SERPINB13: variants seen among roughly 807,000 people sequenced by gnomAD.
SERPINB13 encodes serpin family B member 13.
A neutral mutation model predicts 31.2 loss-of-function variants in SERPINB13; 26 were observed. That is an observed-to-expected ratio of 0.83 (90% CI 0.61 to 1.15). The LOEUF (loss-of-function observed/expected upper bound fraction) is 1.15. Among genes scored for constraint, SERPINB13 ranks in the 50% most tolerant of loss-of-function variants. SERPINB13 has a pLI of 0.00. For missense variants in SERPINB13, 510 were observed against 469.4 expected (o/e 1.09, Z -0.80); for synonymous variants, 191 against 172.4 (o/e 1.11, Z -0.85).
rs1373695582 is a variant in SERPINB13, at chr18:63,594,497, G to A, written c.615G>A (p.Lys205=). 6.2e-7 allele frequency: 1 copy of A among 1,613,420 alleles called. No homozygotes were observed. The highest frequency in any genetic ancestry group is 1.1e-5 in the South Asian group (1 of 90,934). Residue 205 remains lysine, a splice_region_variant and synonymous_variant, in exon 6 of 8, where the codon AAG becomes AAA. Coordinates refer to ENST00000344731, the MANE Select transcript of SERPINB13 (RefSeq NM_012397.4). ...AGGAAGAGAAATTTTGGATGAATAA[G>A]GTATGGCCCTTAGTTTATTTTCGTG... ...NTKEEKFWMN[K]STSKSVQMMT... is the part of the protein sequence containing the mutation.
In SERPINB13 at chr18:63,592,928, A is replaced by G. The variant is rs1170715490; in HGVS notation, c.429A>G (p.Glu143=). The G allele has an allele frequency of 6.2e-7, 1 of 1,613,504 alleles. No individual in the cohort carries two copies. The highest frequency in any genetic ancestry group is 1.1e-5 in the South Asian group (1 of 90,916). The change falls in exon 5 of 8, where the codon GAA becomes GAG. Residue 143 remains glutamate, a synonymous_variant. Coordinates refer to ENST00000344731, the MANE Select transcript of SERPINB13 (RefSeq NM_012397.4). ...EPVDFVNAAD[E]SRKKINSWVE... ...TTGATTTTGTAAATGCAGCCGATGAAAGTCGAAAGAAGATTAATTCCTGGG... is the reference window on the plus strand; with the variant it reads ...TTGATTTTGTAAATGCAGCCGATGAGAGTCGAAAGAAGATTAATTCCTGGG...
At chr18:63,591,179 G>A (rs1911828738) in intron 3 of SERPINB13, among the ~76,000 whole-genome samples, 1 of 151,982 alleles carries the variant, frequency 6.6e-6, no homozygotes, top group South Asian at 2.1e-4. Context: ...TGTGGATTAG[G>A]TGTTCATTAT....
At position 63,594,439 on chromosome 18, in the gene SERPINB13, A is replaced by G. The variant is rs1479027283; in HGVS notation, c.557A>G (p.Gln186Arg). 3.1e-6 allele frequency: 5 copies of G among 1,614,170 alleles called. No individual in the cohort carries two copies. The highest frequency in any genetic ancestry group is 4.2e-6 in the Non-Finnish European group (5 of 1,179,998). Residue 186 changes from glutamine to arginine, a missense_variant, in exon 6 of 8, where the codon CAA (glutamine) becomes CGA (arginine). By Grantham distance (43) the Gln-to-Arg change is conservative. Transcript: ENST00000344731. Reference sequence around the variant, plus strand: ...GTGAACATGGTTTATTTTAAAGGGCAATGGGACAGGGAGTTTAAGAAAGAA... The same window carrying G: ...GTGAACATGGTTTATTTTAAAGGGCGATGGGACAGGGAGTTTAAGAAAGAA... ...VLVNMVYFKG[Q>R]WDREFKKENT...
intron 6 of SERPINB13, among the ~76,000 whole-genome samples, chr18:63,594,816 T>G (rs1458248522): frequency 1.3e-5 from 2 of 152,030 alleles, no homozygotes; most frequent in East Asian, 3.9e-4. Context: ...TCCAGCCTGG[T>G]GACAGAGTGA....
intron 5 of SERPINB13, chr18:63,594,124 G>C: frequency 7.0e-7 from 1 of 1,434,168 alleles, no homozygotes; most frequent in East Asian, 3.2e-5. Context: ...TGACCCCAGA[G>C]TCTGGACTCT....
intron 7 of SERPINB13, among the ~76,000 whole-genome samples, chr18:63,596,240 TG>T (rs1912159775): frequency 1.3e-5 from 2 of 152,166 alleles, no homozygotes; most frequent in South Asian, 4.1e-4. Flanking sequence ...CATTTTAAGT[TG>T]GAAAATATTT....
At chr18:63,588,970 G>T (rs563066554) in intron 2 of SERPINB13, 138 bp downstream of exon 2, 5 of 970,386 alleles carry the variant, frequency 5.2e-6, no homozygotes, top group Non-Finnish European at 7.3e-6. Flanking sequence ...TCAAGACAAG[G>T]AGCAATTTCA....
At position 63,595,191 on chromosome 18, in the gene SERPINB13, G is replaced by A. The variant is rs375371316; in HGVS notation, c.771+7G>A. The A allele has an allele frequency of 1.2e-5, 19 of 1,604,528 alleles. No individual in the cohort carries two copies. Among genetic ancestry groups the A allele is most frequent in the South Asian group, 5.6e-5 (5 of 89,446 alleles). Reference sequence around the variant, plus strand: ...CATCGATGGCCTGGAGAAGGTAAACGCTTACACCTCCTTATTCTTTCTTTC... The same window carrying A: ...CATCGATGGCCTGGAGAAGGTAAACACTTACACCTCCTTATTCTTTCTTTC... On this transcript the variant is annotated splice_region_variant and intron_variant, in intron 7 of 7. Transcript: ENST00000344731.
At chr18:63,591,620 T>C (rs1331121011) in intron 3 of SERPINB13, among the ~76,000 whole-genome samples, 1 of 152,144 alleles carries the variant, frequency 6.6e-6, no homozygotes, top group African/African-American at 2.4e-5. Flanking sequence ...AGATGTGCTA[T>C]AGGTATAAAA....
In SERPINB13 at chr18:63,594,473, G is replaced by C; in HGVS notation, c.591G>C (p.Lys197Asn). The C allele has an allele frequency of 6.2e-7, 1 of 1,613,964 alleles. No homozygotes were observed. Among genetic ancestry groups the C allele is most frequent in the Non-Finnish European group, 8.5e-7 (1 of 1,179,944 alleles). ...GGGAGTTTAAGAAAGAAAATACTAA[G>C]GAAGAGAAATTTTGGATGAATAAGG... ...WDREFKKENT[K>N]EEKFWMNKST... The change falls in exon 6 of 8, where the codon AAG becomes AAC. Residue 197 changes from lysine to asparagine, a missense_variant. Transcript: ENST00000344731.
chr18:63,595,622 G>A (rs974540908), intron 7 of SERPINB13, among the ~76,000 whole-genome samples: 2 of 152,096 alleles, frequency 1.3e-5, no homozygotes, highest in Non-Finnish European at 1.5e-5. Context: ...TGTGAAGGCC[G>A]GGCGTGGTGG....
intron 7 of SERPINB13, among the ~76,000 whole-genome samples, chr18:63,595,755 C>G (rs1239186164): frequency 6.6e-6 from 1 of 151,958 alleles, no homozygotes; most frequent in African/African-American, 2.4e-5. Flanking sequence ...AAAAATTAGC[C>G]TGGCGTGGTT....
chr18:63,593,069 G>C, intron 5 of SERPINB13, 98 bp downstream of exon 5: 1 of 776,264 alleles, frequency 1.3e-6, no homozygotes, highest in Middle Eastern at 2.6e-4. Flanking sequence ...TGAAGCCCTG[G>C]ACTTGTCACT....
chr18:63,592,605 G>T, intron 4 of SERPINB13, 129 bp downstream of exon 4: 1 of 972,558 alleles, frequency 1.0e-6, no homozygotes, highest in Non-Finnish European at 1.5e-6. Context: ...TTTCCATCCT[G>T]ATCTACAGAT....
rs143961207 is a variant in SERPINB13, at chr18:63,594,365, G to A, written c.483G>A (p.Lys161=). 1.1e-4 allele frequency: 181 copies of A among 1,613,596 alleles called. 1 individual carries two copies. Among genetic ancestry groups the A allele is most frequent in the African/African-American group, 8.1e-4 (61 of 74,934 alleles). ...WVESKTNEKI[K]DLFPDGSISS... Reference sequence around the variant, plus strand: ...TTTCTTCATTTGCAGAAAAAATCAAGGACTTGTTCCCAGATGGCTCTATTA... The same window carrying A: ...TTTCTTCATTTGCAGAAAAAATCAAAGACTTGTTCCCAGATGGCTCTATTA... Residue 161 remains lysine (K), a synonymous_variant, in exon 6 of 8, where the codon AAG becomes AAA. Transcript: ENST00000344731.
At chr18:63,590,558 T>G (rs1911793366) in intron 3 of SERPINB13, among the ~76,000 whole-genome samples, 2 of 152,202 alleles carry the variant, frequency 1.3e-5, no homozygotes, top group African/African-American at 2.4e-5. Context: ...TTGGGTCATA[T>G]GGCCACTGCA....
In SERPINB13 at chr18:63,587,352, G is replaced by A. The variant is rs1256834990; in HGVS notation, c.-116G>A. 6.5e-6 allele frequency: 3 copies of A among 461,162 alleles called. No homozygotes were observed. The highest frequency in any genetic ancestry group is 4.7e-5 in the South Asian group (3 of 63,366). 28.6% of individuals were successfully genotyped at this position (461,162 alleles called of 1,614,324 possible). A position where few individuals can be genotyped will look rare whatever the true frequency, so the allele number is the denominator to read the frequency against. ...CGCAAGGTGGAAAACCACTGCTGAA[G>A]CAGATGTGGAGAACTATAAATTAAG... is the stretch of plus-strand genomic sequence containing the variant. On this transcript the variant is annotated 5_prime_UTR_variant, in exon 1 of 8. Transcript: ENST00000344731.
chr18:63,597,426 A>G lies in SERPINB13; in HGVS notation c.*63A>G, dbSNP rs1912253197. ...AACAACTACCAGTGTTACTCATATG[A>G]TTATGAAAATCGTCCATTCTTTTAA... On this transcript the variant is annotated 3_prime_UTR_variant, in exon 8 of 8. Coordinates refer to ENST00000344731, the MANE Select transcript of SERPINB13 (RefSeq NM_012397.4). 6.7e-7 allele frequency: 1 copy of G among 1,482,912 alleles called. No homozygotes were observed. Among genetic ancestry groups the G allele is most frequent in the Non-Finnish European group, 9.1e-7 (1 of 1,103,864 alleles). The allele number at this position is 1,482,912 out of a possible 1,614,324, so 91.9% of individuals were successfully genotyped here.
chr18:63,588,555 C>T (rs900403263), intron 1 of SERPINB13, 96 bp from the exon 2 acceptor site: 44 of 1,277,222 alleles, frequency 3.4e-5, no homozygotes, highest in Middle Eastern at 3.8e-4. Context: ...CCCTGTATTC[C>T]GGATCGATGC....
Sources: gnomAD v4.1 joint callset for allele counts (sites outside exome capture counted in the v4.1 genomes callset) on GRCh38, gnomAD v4.1.1 for gene constraint, MANE v1.5 for transcripts, NCBI Gene and HGNC (gene_info 2026-07-23, HGNC 2026-07-21) for gene names.